Variants in GRAP2 observed in about 807,000 individuals in gnomAD.
The protein encoded by GRAP2 is GRB2-related adapter protein 2.
A neutral mutation model predicts 43.5 loss-of-function variants in GRAP2; 31 were observed. The ratio of observed to expected loss-of-function variants is 0.71; its 90% CI spans 0.54 to 0.96. The LOEUF (loss-of-function observed/expected upper bound fraction) is 0.96. Ranked by LOEUF, GRAP2 falls within the 40% of genes least tolerant of loss-of-function variation. The pLI is 0.00. For missense variants in GRAP2, 371 were observed against 424.4 expected, an observed-to-expected ratio of 0.87 and a Z score of 1.11; for synonymous variants, 156 against 164.8, an observed-to-expected ratio of 0.95 and a Z score of 0.41.
rs776685904 is a variant in GRAP2, at chr22:39,966,184, A to G, written c.459+26A>G. ...GTATGCTCCAGATCCAGTCGACCCC[A>G]ATCTAGAGATTTTAGGCAGCCTGAG... On this transcript the variant is annotated intron_variant, in intron 5 of 7. Transcript: ENST00000344138. The G allele has an allele frequency of 6.9e-6, 11 of 1,600,292 alleles. No homozygotes were observed. In the East Asian group the frequency reaches 1.3e-4, roughly 20 times the overall value.
At chr22:39,940,353 G>A (rs1490518376) in intron 1 of GRAP2, among the ~76,000 whole-genome samples, 1 of 150,906 alleles carries the variant, frequency 6.6e-6, no homozygotes, top group East Asian at 2.0e-4. Flanking sequence ...TGGTCTCTTG[G>A]TGAGGCCCAG....
At chr22:39,913,507 G>A (rs916383576) in intron 1 of GRAP2, among the ~76,000 whole-genome samples, 4 of 152,188 alleles carry the variant, frequency 2.6e-5, no homozygotes, top group African/African-American at 9.7e-5. Context: ...GACCGATGCT[G>A]AGTCAGCCAA....
chr22:39,936,718 TG>T (rs1214759332), intron 1 of GRAP2, among the ~76,000 whole-genome samples: 3 of 151,126 alleles, frequency 2.0e-5, no homozygotes, highest in Non-Finnish European at 4.4e-5. Flanking sequence ...GACAGGGTGG[TG>T]GGGGGGACCG....
chr22:39,956,902 C>G (rs577443810), intron 3 of GRAP2, among the ~76,000 whole-genome samples: 30 of 152,172 alleles, frequency 2.0e-4, no homozygotes, highest in Non-Finnish European at 3.5e-4. Flanking sequence ...AAGCGCTTCT[C>G]TGTGACCTCC....
intron 2 of GRAP2, among the ~76,000 whole-genome samples, chr22:39,950,629 A>G (rs894598225): frequency 6.6e-6 from 1 of 152,258 alleles, no homozygotes; most frequent in African/African-American, 2.4e-5. Context: ...GTCATGGCCC[A>G]AAATAGATGC....
chr22:39,968,304 G>T, intron 6 of GRAP2, 32 bp downstream of exon 6: 2 of 1,598,512 alleles, frequency 1.3e-6, no homozygotes, highest in Non-Finnish European at 1.7e-6. Flanking sequence ...GGCACAGTAC[G>T]GTGGAAAGGA....
chr22:39,926,559 G>GT (rs1461225022), intron 1 of GRAP2: 6 of 978,090 alleles, frequency 6.1e-6, no homozygotes, highest in Non-Finnish European at 7.3e-6. Flanking sequence ...AGTGGCTATG[G>GT]TTTTTTCTAC....
chr22:39,968,622 A>G (rs2067203963), intron 6 of GRAP2: 1 of 334,526 alleles, frequency 3.0e-6, no homozygotes, highest in East Asian at 5.2e-5. Flanking sequence ...CAGATCCACA[A>G]GAGAAAAAGG....
intron 1 of GRAP2, among the ~76,000 whole-genome samples, chr22:39,904,490 C>T (rs1009353526): frequency 1.3e-5 from 2 of 152,198 alleles, no homozygotes; most frequent in Non-Finnish European, 2.9e-5. Flanking sequence ...CTAGGTTCAA[C>T]AATTGCTAAC....
chr22:39,922,884 T>C (rs1338174156), intron 1 of GRAP2, among the ~76,000 whole-genome samples: 3 of 151,846 alleles, frequency 2.0e-5, no homozygotes, highest in South Asian at 2.1e-4. Flanking sequence ...TCTACTAAAA[T>C]ACAAAAAATT....
chr22:39,969,958 C>T (rs1423506045), intron 7 of GRAP2, among the ~76,000 whole-genome samples: 7 of 152,110 alleles, frequency 4.6e-5, no homozygotes, highest in African/African-American at 1.7e-4. Context: ...CACAGATCAA[C>T]GAGAGGTGAT....
chr22:39,953,130 G>A (rs1569210437), intron 2 of GRAP2, among the ~76,000 whole-genome samples: 1 of 152,034 alleles, frequency 6.6e-6, no homozygotes, highest in Non-Finnish European at 1.5e-5. Context: ...GAAGCCCAAG[G>A]GCCCTGTGAC....
upstream of GRAP2, among the ~76,000 whole-genome samples, chr22:39,896,390 G>A (rs1401663087): frequency 6.6e-6 from 1 of 152,190 alleles, no homozygotes; most frequent in Non-Finnish European, 1.5e-5. Flanking sequence ...CAGGGACTAA[G>A]TTTCTTTTTG....
At chr22:39,913,326 G>A (rs10483201) in intron 1 of GRAP2, among the ~76,000 whole-genome samples, 5,593 of 152,200 alleles carry the variant, frequency 0.037, 137 homozygotes, top group Admixed American at 0.076. Flanking sequence ...TGGATACCAG[G>A]TATGATCTCA....
intron 1 of GRAP2, among the ~76,000 whole-genome samples, chr22:39,936,842 T>C (rs1432896982): frequency 1.3e-5 from 2 of 152,218 alleles, no homozygotes; most frequent in Non-Finnish European, 2.9e-5. Context: ...GCCAGGTCGA[T>C]TGCAGTCTTT....
chr22:39,926,581 G>A, intron 1 of GRAP2: 8 of 984,060 alleles, frequency 8.1e-6, no homozygotes, highest in Non-Finnish European at 9.7e-6. Context: ...TGCTCTAGCT[G>A]GGGGTGGGGA....
intron 7 of GRAP2, 141 bp from the exon 8 acceptor site, chr22:39,970,764 A>AG: frequency 1.5e-6 from 1 of 677,496 alleles, no homozygotes; most frequent in Non-Finnish European, 2.3e-6. Flanking sequence ...CTACAAAAAA[A>AG]GTTTTTTTAA....
chr22:39,922,221 C>A (rs2066659103), intron 1 of GRAP2, among the ~76,000 whole-genome samples: 1 of 152,134 alleles, frequency 6.6e-6, no homozygotes, highest in African/African-American at 2.4e-5. Flanking sequence ...AAATGCCTTT[C>A]CATTGGGTGC....
In GRAP2 at chr22:39,966,086, A is replaced by T; in HGVS notation, c.387A>T (p.Val129=). 1.2e-6 allele frequency: 2 copies of T among 1,613,818 alleles called. No homozygotes were observed. The highest frequency in any genetic ancestry group is 8.5e-7 in the Non-Finnish European group (1 of 1,179,662). The change falls in exon 5 of 8, where the codon GTA becomes GTT. Residue 129 remains valine, a synonymous_variant. Transcript: ENST00000344138. ...TEKFPSLNKL[V]DYYRTNSISR... ...AGTTTCCATCCCTAAATAAGCTGGTAGACTACTACAGGACAAATTCCATCT... is the reference window on the plus strand; with the variant it reads ...AGTTTCCATCCCTAAATAAGCTGGTTGACTACTACAGGACAAATTCCATCT...
Sources: gnomAD v4.1 joint callset for allele counts (sites outside exome capture counted in the v4.1 genomes callset) on GRCh38, gnomAD v4.1.1 for gene constraint, MANE v1.5 for transcripts, NCBI Gene and HGNC (gene_info 2026-07-23, HGNC 2026-07-21) for gene names.